The following DOCK4 variants were observed in gnomAD, a reference collection of about 807,000 sequenced individuals.
DOCK4 encodes the protein dedicator of cytokinesis protein 4.
A neutral mutation model predicts 268.1 loss-of-function variants in DOCK4; 97 were observed. The ratio of observed to expected loss-of-function variants is 0.36; its 90% CI spans 0.31 to 0.43. The LOEUF (loss-of-function observed/expected upper bound fraction) is 0.43. Ranked by LOEUF, DOCK4 falls within the 20% of genes least tolerant of loss-of-function variation. The pLI, the probability that DOCK4 is intolerant of heterozygous loss-of-function variation, is 1.00. For synonymous variants in DOCK4, 954 were observed against 887.2 expected, an observed-to-expected ratio of 1.08 and a Z score of -1.34; for missense variants, 2,145 against 2,455.7, an observed-to-expected ratio of 0.87 and a Z score of 2.67.
chr7:111,882,252 TATA>T (rs1318309943), intron 16 of DOCK4, among the ~76,000 whole-genome samples: 1 of 152,108 alleles, frequency 6.6e-6, no homozygotes, highest in Non-Finnish European at 1.5e-5. Context: ...TATAGTGTAT[TATA>T]ATATCATTTG....
intron 1 of DOCK4, among the ~76,000 whole-genome samples, chr7:112,107,894 C>T (rs943171685): frequency 1.3e-5 from 2 of 152,176 alleles, no homozygotes; most frequent in Non-Finnish European, 2.9e-5. Context: ...AAGCCACAAG[C>T]CAAGGGCTGG....
At position 111,867,985 on chromosome 7, in the gene DOCK4, T is replaced by C. The variant is rs761296915; in HGVS notation, c.2279A>G (p.Gln760Arg). 2 of 1,592,336 alleles carry C rather than the reference T, an allele frequency of 1.3e-6. No homozygotes were observed. The highest frequency in any genetic ancestry group is 1.7e-6 in the Non-Finnish European group (2 of 1,172,000). Residue 760 changes from glutamine (Q) to arginine (R), a missense_variant and splice_region_variant, in exon 22 of 53, where the codon CAG (glutamine) becomes CGG (arginine). Physicochemically the swap from Gln to Arg is conservative, Grantham distance 43. This residue lies in a region of DOCK4 where 1,598 missense variants were observed against 1,986.7 expected (regional missense o/e 0.80). Coordinates refer to ENST00000428084, the MANE Select transcript of DOCK4 (RefSeq NM_001363540.2). ...TCAGCATAGATGAAAAGAAATTACC[T>C]GTGACTGAGATAATGCTCCAGACCC... Reference protein sequence around the residue: ...SKGSGALSQSQAVFLSSFPAV... With the variant: ...SKGSGALSQSRAVFLSSFPAV...
chr7:111,731,860 G>C (rs573159721), intron 52 of DOCK4, among the ~76,000 whole-genome samples: 2 of 61,742 alleles, frequency 3.2e-5, no homozygotes, highest in African/African-American at 2.2e-4. Context: ...CTCAATCTAA[G>C]TGTGTGTGTG....
chr7:112,001,340 G>A (rs899910298), intron 2 of DOCK4, among the ~76,000 whole-genome samples: 19 of 152,072 alleles, frequency 1.2e-4, no homozygotes, highest in African/African-American at 3.4e-4. Flanking sequence ...ATGAAATCCC[G>A]TGCCTGCCCG....
chr7:112,035,133 T>A (rs575097531), intron 1 of DOCK4, among the ~76,000 whole-genome samples: 1 of 152,068 alleles, frequency 6.6e-6, no homozygotes, highest in South Asian at 2.1e-4. Flanking sequence ...AAGCACTGCA[T>A]TGAAGCTAAC....
At chr7:111,940,347 G>T in intron 10 of DOCK4, 105 bp from the exon 11 acceptor site, 1 of 1,433,358 alleles carries the variant, frequency 7.0e-7, no homozygotes, top group Non-Finnish European at 9.7e-7. Flanking sequence ...ATGTAATTGG[G>T]CAATAAAGAG....
intron 36 of DOCK4, among the ~76,000 whole-genome samples, chr7:111,772,991 C>T (rs555970660): frequency 9.9e-5 from 15 of 151,954 alleles, no homozygotes; most frequent in Non-Finnish European, 2.1e-4. Context: ...AATGACTGAG[C>T]GATGGCATGG....
intron 13 of DOCK4, among the ~76,000 whole-genome samples, chr7:111,908,627 G>C (rs1016853801): frequency 6.6e-6 from 1 of 152,028 alleles, no homozygotes; most frequent in Non-Finnish European, 1.5e-5. Flanking sequence ...GGTTTGCTAT[G>C]CCTATCAACC....
chr7:111,894,675 C>A (rs558998059), intron 16 of DOCK4, among the ~76,000 whole-genome samples: 7 of 152,150 alleles, frequency 4.6e-5, no homozygotes, highest in Non-Finnish European at 1.0e-4. Flanking sequence ...GAGCCAGCAG[C>A]AGAGGGTGAA....
At chr7:111,765,033 A>G in intron 39 of DOCK4, 85 bp downstream of exon 39, 1 of 609,364 alleles carries the variant, frequency 1.6e-6, no homozygotes, top group Non-Finnish European at 2.7e-6. Flanking sequence ...TACCTGTCAT[A>G]TAAAATGTCA....
intron 15 of DOCK4, among the ~76,000 whole-genome samples, chr7:111,897,017 T>C (rs1035110236): frequency 6.6e-6 from 1 of 152,092 alleles, no homozygotes; most frequent in African/African-American, 2.4e-5. Context: ...AATCTACAGG[T>C]TCATTTAAGA....
At chr7:111,912,517 T>C (rs1214734059) in intron 13 of DOCK4, among the ~76,000 whole-genome samples, 1 of 152,136 alleles carries the variant, frequency 6.6e-6, no homozygotes, top group African/African-American at 2.4e-5. Context: ...AACAAGAGGA[T>C]ATGTCAAAAA....
rs374974135 is a variant in DOCK4 at position 111,882,954 on chromosome 7, T to C, written c.1588-5768A>G. On this transcript the variant is annotated intron_variant, in intron 16 of 52. Coordinates refer to ENST00000428084, the MANE Select transcript of DOCK4 (RefSeq NM_001363540.2). Reference sequence around the variant, plus strand: ...TTAGGAAAGACCTCTCTAACAAGTTTAGAGAAACAGAATCAGAATATGACA... The same window carrying C: ...TTAGGAAAGACCTCTCTAACAAGTTCAGAGAAACAGAATCAGAATATGACA... 3.1e-4 allele frequency among the ~76,000 whole-genome samples: 47 copies of C among 152,260 alleles called. 2 individuals carry two copies. The highest frequency in any genetic ancestry group is 1.1e-3 in the African/African-American group (45 of 41,550).
At chr7:112,105,685 CTTT>C (rs752689972) in intron 1 of DOCK4, among the ~76,000 whole-genome samples, 3 of 135,760 alleles carry the variant, frequency 2.2e-5, no homozygotes, top group African/African-American at 8.1e-5. Context: ...CCTCCTCTTC[CTTT>C]TTTTTTTTTT....
In DOCK4 at chr7:111,977,175, C is replaced by T. The variant is rs1418633496; in HGVS notation, c.658G>A (p.Val220Ile). The T allele has an allele frequency of 6.2e-7, 1 of 1,612,768 alleles. No homozygotes were observed. Among genetic ancestry groups the T allele is most frequent in the African/African-American group, 1.3e-5 (1 of 75,002 alleles). Residue 220 changes from valine to isoleucine, a missense_variant, in exon 8 of 53, where the codon GTC becomes ATC. This residue lies in a region of DOCK4 where 1,598 missense variants were observed against 1,986.7 expected (regional missense o/e 0.80). Coordinates refer to ENST00000428084, the MANE Select transcript of DOCK4 (RefSeq NM_001363540.2). ...TTACTGTCAAAGAGTGAGAAGATGA[C>T]CTCCAGCTCCTCTCCCAGGTTGGAA... ...MCSNLGEELE[V>I]IFSLFDSKEN...
At position 111,769,830 on chromosome 7, in the gene DOCK4, G is replaced by A. The variant is rs534662256; in HGVS notation, c.3680-153C>T. ...ATATCCAGAATATATGCAGCAGTAG[G>A]GTAATGAACGAGGACTTCCCCTGGA... On this transcript the variant is annotated intron_variant, in intron 36 of 52. Transcript: ENST00000428084. Among the ~76,000 whole-genome samples the A allele has an allele frequency of 6.6e-5, 10 of 152,218 alleles. No individual in the cohort carries two copies. In the South Asian group the frequency reaches 2.1e-3, roughly 32 times the overall value.
chr7:112,116,060 A>C (rs138113741), intron 1 of DOCK4, among the ~76,000 whole-genome samples: 369 of 152,278 alleles, frequency 2.4e-3, no homozygotes, highest in African/African-American at 8.1e-3. Flanking sequence ...CATGACACTA[A>C]GTACATTCAC....
rs557021424 is a variant in DOCK4 at position 111,851,658 on chromosome 7, C to G, written c.2474-4532G>C. Among the ~76,000 whole-genome samples, 13 of 152,030 alleles carry G rather than the reference C, an allele frequency of 8.6e-5. No homozygotes were observed. The South Asian group carries it at 2.5e-3, about 29-fold the overall frequency. The stretch of plus-strand genomic sequence containing the variant: ...TTGTTGCCTTCTTTCTACTTGAGGA[C>G]CCAAGAATTAGACTGCTTAGATTAG... On this transcript the variant is annotated intron_variant, in intron 23 of 52. Coordinates refer to ENST00000428084, the MANE Select transcript of DOCK4 (RefSeq NM_001363540.2).
chr7:111,886,835 C>T (rs762038099), intron 16 of DOCK4, among the ~76,000 whole-genome samples: 23 of 152,150 alleles, frequency 1.5e-4, no homozygotes, highest in Middle Eastern at 3.4e-3. Context: ...TATACTATAG[C>T]TTATATAAGA....
Sources: allele counts gnomAD v4.1 joint callset (sites outside exome capture counted in the v4.1 genomes callset), GRCh38; gene constraint gnomAD v4.1.1; regional missense constraint gnomAD v4.1.1; transcripts MANE v1.5; gene names NCBI Gene and HGNC (gene_info 2026-07-23, HGNC 2026-07-21).